The following EFL1 variants were observed in gnomAD, a reference collection of about 807,000 sequenced individuals.
EFL1 encodes elongation factor like GTPase 1.
In EFL1, 76 loss-of-function variants were observed where a neutral mutation model predicts 126.7. The observed-to-expected ratio is 0.60, with a 90% CI of 0.50 to 0.73. The LOEUF (loss-of-function observed/expected upper bound fraction) is 0.73. Among genes scored for constraint, EFL1 ranks in the 30% least tolerant of loss-of-function variants. EFL1 has a pLI of 0.00. For synonymous variants in EFL1, 410 were observed against 448.4 expected (o/e 0.91, Z 1.08); for missense variants, 1,128 against 1,343.2 (o/e 0.84, Z 2.50).
rs1596002810 is a variant in EFL1 at position 82,238,514 on chromosome 15, G to A, written c.524C>T (p.Ala175Val). The A allele has an allele frequency of 3.7e-6, 6 of 1,608,192 alleles. No homozygotes were observed. Among genetic ancestry groups the A allele is most frequent in the Admixed American group, 1.7e-5 (1 of 59,332 alleles). The change falls in exon 7 of 20, where the codon GCG (alanine) becomes GTG (valine). Residue 175 changes from alanine to valine, a missense_variant. Around this residue, in one of 6 missense-constraint regions of EFL1, gnomAD observed 316 missense variants for 318.5 expected, o/e 0.99. Transcript: ENST00000268206. ...AGAAGTAAAAAGAGTCCCTGTGAGC[G>A]CATTAATCTAGGAGAGATGGTGAAA... The part of the protein sequence containing the change: ...HLKNILEQIN[A>V]LTGTLFTSKV...
At chr15:82,183,939 T>C (rs2074277577) in intron 15 of EFL1, among the ~76,000 whole-genome samples, 1 of 152,182 alleles carries the variant, frequency 6.6e-6, no homozygotes, top group Admixed American at 6.5e-5. Context: ...CTTTCAACAG[T>C]GGCTAGAACT....
Position 82,227,486 on chromosome 15 carries a change from C to CAAA in EFL1, c.1153_1155dup (p.Phe385dup), listed in dbSNP as rs2074776438. The stretch of plus-strand genomic sequence containing the variant: ...GCTTGAGTTTCTGGTGGAAAAGAGT[C>CAAA]AAAAGTTTGTGATCCTGTGCACATC... On this transcript the variant is annotated inframe_insertion, in exon 11 of 20. Coordinates refer to ENST00000268206, the MANE Select transcript of EFL1 (RefSeq NM_024580.6). 6.2e-7 allele frequency: 1 copy of CAAA among 1,613,990 alleles called. No homozygotes were observed. The highest frequency in any genetic ancestry group is 1.3e-5 in the African/African-American group (1 of 74,900).
intron 5 of EFL1, 37 bp from the exon 6 acceptor site, chr15:82,240,592 T>C: frequency 6.2e-7 from 1 of 1,608,786 alleles, no homozygotes; most frequent in Non-Finnish European, 8.5e-7. Flanking sequence ...AAACTCATGA[T>C]TTGAAATAAT....
chr15:82,169,851 G>A (rs1041069168), intron 15 of EFL1, among the ~76,000 whole-genome samples: 2 of 152,284 alleles, frequency 1.3e-5, no homozygotes, highest in Middle Eastern at 3.4e-3. Context: ...ATTCCTCAAT[G>A]AATGAGTGCA....
intron 18 of EFL1, among the ~76,000 whole-genome samples, chr15:82,141,687 C>CAAAAAAAAAAAAAAA (rs111707224): frequency 8.9e-6 from 1 of 111,778 alleles, no homozygotes; most frequent in Non-Finnish European, 1.8e-5. Context: ...AAAAAAAAAC[C>CAAAAAAAAAAAAAAA]AAAAAAAAAA....
At chr15:82,220,002 G>C (rs1244230842) in intron 13 of EFL1, 76 bp downstream of exon 13, 1 of 1,513,452 alleles carries the variant, frequency 6.6e-7, no homozygotes, top group African/African-American at 1.4e-5. Context: ...AAAATCTCAA[G>C]AACTAAAGGA....
rs74884736 is a variant in EFL1 at position 82,152,691 on chromosome 15, T to C, written c.2031-268A>G. On this transcript the variant is annotated intron_variant, in intron 17 of 19. Transcript: ENST00000268206. ...TTTTTTTTTTTTCATTTTCAAGATA[T>C]ATAAACCACCCATTTAGATAAGAAT... Among the ~76,000 whole-genome samples the C allele has an allele frequency of 9.9e-3, 1,505 of 152,094 alleles. 27 individuals carry two copies. Among genetic ancestry groups the C allele is most frequent in the African/African-American group, 0.034 (1,407 of 41,474 alleles).
At chr15:82,244,347 A>G (rs974711553) in intron 4 of EFL1, among the ~76,000 whole-genome samples, 1 of 152,166 alleles carries the variant, frequency 6.6e-6, no homozygotes, top group Non-Finnish European at 1.5e-5. Context: ...TTACCATGGT[A>G]GATATTATTG....
chr15:82,157,843 C>G lies in EFL1; in HGVS notation c.1900G>C (p.Val634Leu). Residue 634 changes from valine (V) to leucine (L), a missense_variant, in exon 17 of 20, where the codon GTA becomes CTA. Physicochemically the swap from Val to Leu is conservative, Grantham distance 32. Around this residue, in one of 6 missense-constraint regions of EFL1, gnomAD observed 561 missense variants for 641.7 expected, o/e 0.87. Transcript: ENST00000268206. Reference protein sequence around the residue: ...PKHPSEMPQLVKGMKLLNQAD... With the variant: ...PKHPSEMPQLLKGMKLLNQAD... ...TGGTTTAACAGTTTCATTCCTTTTA[C>G]GAGCTGAGGCATTTCACCTAGGTTA... is the stretch of plus-strand genomic sequence containing the variant. The G allele has an allele frequency of 6.2e-7, 1 of 1,612,692 alleles. No homozygotes were observed. The highest frequency in any genetic ancestry group is 1.3e-5 in the African/African-American group (1 of 75,000).
rs2074775698 is a variant in EFL1, at chr15:82,227,440, C to T, written c.1192+10G>A. 1 of 1,613,988 alleles carries T rather than the reference C, an allele frequency of 6.2e-7. No homozygotes were observed. The highest frequency in any genetic ancestry group is 1.7e-5 in the Admixed American group (1 of 60,006). The stretch of plus-strand genomic sequence containing the variant: ...ACATGGTATATTCCAACAGGTCCAT[C>T]TTTCCTCACCTGCTTTCAGTGCTTG... On this transcript the variant is annotated intron_variant, in intron 11 of 19. Transcript: ENST00000268206.
intron 15 of EFL1, among the ~76,000 whole-genome samples, chr15:82,179,985 C>T (rs8041868): frequency 0.67 from 101,303 of 152,010 alleles, 35,557 homozygotes; most frequent in African/African-American, 0.89. Flanking sequence ...TGGTTTAAAA[C>T]TAACATTGAC....
chr15:82,148,928 T>G lies in EFL1; in HGVS notation c.2989+2537A>C, dbSNP rs78177660. ...GTTTATACAAGTATGAGGTAAATCT[T>G]GGGAGACAACATGGACTTTCTAATA... On this transcript the variant is annotated intron_variant, in intron 18 of 19. Transcript: ENST00000268206. Among the ~76,000 whole-genome samples the G allele has an allele frequency of 2.5e-3, 386 of 151,994 alleles. 12 individuals carry two copies. In the East Asian group the frequency reaches 0.064, roughly 25 times the overall value.
At chr15:82,141,132 C>T (rs2141216088) in intron 18 of EFL1, among the ~76,000 whole-genome samples, 1 of 152,224 alleles carries the variant, frequency 6.6e-6, no homozygotes, top group East Asian at 1.9e-4. Flanking sequence ...TTTATCGTGG[C>T]CACTCTCCTA....
rs1039474111 is a variant in EFL1 at position 82,152,535 on chromosome 15, A to T, written c.2031-112T>A. 5 of 951,402 alleles carry T rather than the reference A, an allele frequency of 5.3e-6. No homozygotes were observed. In the African/African-American group the frequency reaches 6.7e-5, roughly 13 times the overall value. 58.9% of individuals were successfully genotyped at this position (951,402 alleles called of 1,614,324 possible). A position where few individuals can be genotyped will look rare whatever the true frequency, so the allele number is the denominator to read the frequency against. Reference sequence around the variant, plus strand: ...TTCTGTAAAAACATAGGAACATAAAAATTATCTTACTATGAAAGATCTGCA... The same window carrying T: ...TTCTGTAAAAACATAGGAACATAAATATTATCTTACTATGAAAGATCTGCA... On this transcript the variant is annotated intron_variant, in intron 17 of 19. Transcript: ENST00000268206.
rs553795599 is a variant in EFL1 at position 82,169,390 on chromosome 15, C to A, written c.1751-5406G>T. On this transcript the variant is annotated intron_variant, in intron 15 of 19. Coordinates refer to ENST00000268206, the MANE Select transcript of EFL1 (RefSeq NM_024580.6). Reference sequence around the variant, plus strand: ...GCTTTCTTATGATCCTTTCTTGGAGCATAAATTGGGATCTTACAGAGAAAT... The same window carrying A: ...GCTTTCTTATGATCCTTTCTTGGAGAATAAATTGGGATCTTACAGAGAAAT... 2.6e-5 allele frequency among the ~76,000 whole-genome samples: 4 copies of A among 151,858 alleles called. No individual in the cohort carries two copies. The South Asian group carries it at 8.3e-4, about 32-fold the overall frequency.
chr15:82,212,797 C>T (rs1413101430), intron 15 of EFL1, among the ~76,000 whole-genome samples: 1 of 152,168 alleles, frequency 6.6e-6, no homozygotes, highest in Non-Finnish European at 1.5e-5. Flanking sequence ...CCCAGGGCTC[C>T]CTGGCAGCTA....
At chr15:82,193,038 A>G (rs1426374702) in intron 15 of EFL1, among the ~76,000 whole-genome samples, 1 of 152,228 alleles carries the variant, frequency 6.6e-6, no homozygotes, top group African/African-American at 2.4e-5. Flanking sequence ...CAATAAGCAT[A>G]TATAACTTTT....
intron 15 of EFL1, among the ~76,000 whole-genome samples, chr15:82,185,754 C>T (rs2074297226): frequency 6.6e-6 from 1 of 152,038 alleles, no homozygotes; most frequent in Admixed American, 6.6e-5. Flanking sequence ...AAACTCGATA[C>T]CTTTAGTTAC....
At position 82,219,700 on chromosome 15, in the gene EFL1, T is replaced by G; in HGVS notation, c.1563A>C (p.Lys521Asn). Reference sequence around the variant, plus strand: ...TGTATTTGGGCCCCAAGACAAAAATTTTCTTTCCTCTTCGAGCCACACCAC... The same window carrying G: ...TGTATTTGGGCCCCAAGACAAAAATGTTCTTTCCTCTTCGAGCCACACCAC... ...VFSGVARRGK[K>N]IFVLGPKYSP... is the part of the protein sequence containing the mutation. Residue 521 changes from lysine to asparagine, a missense_variant, in exon 14 of 20, where the codon AAA (lysine) becomes AAC (asparagine). Lys to Asn is a moderately conservative substitution (Grantham distance 94). Around this residue, in one of 6 missense-constraint regions of EFL1, gnomAD observed 120 missense variants for 142.1 expected, o/e 0.84. Transcript: ENST00000268206. The G allele has an allele frequency of 3.7e-6, 6 of 1,613,726 alleles. No individual in the cohort carries two copies. Among genetic ancestry groups the G allele is most frequent in the Non-Finnish European group, 5.1e-6 (6 of 1,179,858 alleles).
Sources: allele counts gnomAD v4.1 joint callset (sites outside exome capture counted in the v4.1 genomes callset), GRCh38; gene constraint gnomAD v4.1.1; regional missense constraint gnomAD v4.1.1; transcripts MANE v1.5; gene names NCBI Gene and HGNC (gene_info 2026-07-23, HGNC 2026-07-21).